TENM4: variants seen among roughly 807,000 people sequenced by gnomAD.
The protein encoded by TENM4 is teneurin-4.
A neutral mutation model predicts 243.3 loss-of-function variants in TENM4; 82 were observed. The ratio of observed to expected loss-of-function variants is 0.34; its 90% CI spans 0.28 to 0.40. The LOEUF (loss-of-function observed/expected upper bound fraction) is 0.40. Ranked by LOEUF, TENM4 falls within the 10% of genes least tolerant of loss-of-function variation. The pLI is 1.00. For missense variants in TENM4, 3,138 were observed against 3,673.3 expected, an observed-to-expected ratio of 0.85 and a Z score of 3.77; for synonymous variants, 1,412 against 1,456.3, an observed-to-expected ratio of 0.97 and a Z score of 0.69.
In TENM4 at chr11:79,138,707, C is replaced by T. The variant is rs1476797477; in HGVS notation, c.-66+10003G>A. On this transcript the variant is annotated intron_variant, in intron 4 of 33. Transcript: ENST00000278550. ...AACATACATTATATTTATATAAATA[C>T]ATAAAACATACATTATATTTATATA... 8.5e-4 allele frequency among the ~76,000 whole-genome samples: 88 copies of T among 103,622 alleles called. 1 individual carries two copies. Among genetic ancestry groups the T allele is most frequent in the African/African-American group, 1.3e-3 (32 of 24,968 alleles). The allele number at this position is 103,622 out of a possible 152,430, so 68.0% of individuals were successfully genotyped here. A position where few individuals can be genotyped will look rare whatever the true frequency, so the allele number is the denominator to read the frequency against.
intron 1 of TENM4, among the ~76,000 whole-genome samples, chr11:79,314,907 C>A (rs1269288566): frequency 6.6e-6 from 1 of 152,222 alleles, no homozygotes; most frequent in Non-Finnish European, 1.5e-5. Flanking sequence ...CAGTATTTGG[C>A]AGAAACTTCT....
intron 1 of TENM4, among the ~76,000 whole-genome samples, chr11:79,417,583 C>T (rs1858845327): frequency 6.6e-6 from 1 of 152,156 alleles, no homozygotes; most frequent in Non-Finnish European, 1.5e-5. Flanking sequence ...GGTGTTTATG[C>T]CCCATGTCCA....
intron 6 of TENM4, among the ~76,000 whole-genome samples, chr11:79,050,982 T>C (rs535826363): frequency 7.9e-5 from 12 of 152,312 alleles, no homozygotes; most frequent in Admixed American, 2.0e-4. Flanking sequence ...CAGCTGTGCA[T>C]GCGTGTGGAG....
intron 4 of TENM4, among the ~76,000 whole-genome samples, chr11:79,085,936 C>T (rs1860800957): frequency 6.6e-6 from 1 of 152,100 alleles, no homozygotes; most frequent in Non-Finnish European, 1.5e-5. Flanking sequence ...AATTCTTAAA[C>T]ATCTACTATG....
intron 19 of TENM4, among the ~76,000 whole-genome samples, chr11:78,754,713 C>A (rs971126164): frequency 6.6e-6 from 1 of 152,194 alleles, no homozygotes; most frequent in East Asian, 1.9e-4. Flanking sequence ...ACAGAAGCAG[C>A]ATTTCTGGCC....
chr11:79,437,505 G>T (rs1859298541), intron 1 of TENM4, among the ~76,000 whole-genome samples: 1 of 152,148 alleles, frequency 6.6e-6, no homozygotes, highest in African/African-American at 2.4e-5. Flanking sequence ...CCAGTTTCCC[G>T]CCCAGGCCCC....
At chr11:79,164,055 T>TA (rs1565230730) in intron 3 of TENM4, among the ~76,000 whole-genome samples, 5 of 18,960 alleles carry the variant, frequency 2.6e-4, no homozygotes, top group Non-Finnish European at 5.2e-4. Flanking sequence ...ATAAATACTA[T>TA]GTATATATAG....
chr11:79,415,297 T>C (rs991626787), intron 1 of TENM4, among the ~76,000 whole-genome samples: 4 of 152,240 alleles, frequency 2.6e-5, no homozygotes, highest in African/African-American at 9.6e-5. Flanking sequence ...CTCATGTCTA[T>C]GCCCCCAAGG....
At chr11:79,372,330 G>C (rs562786471) in intron 1 of TENM4, among the ~76,000 whole-genome samples, 1 of 152,344 alleles carries the variant, frequency 6.6e-6, no homozygotes, top group East Asian at 1.9e-4. Context: ...TGTAATAAGA[G>C]AATCTGCAAG....
At chr11:79,064,011 A>G (rs1162040454) in intron 6 of TENM4, among the ~76,000 whole-genome samples, 1 of 152,102 alleles carries the variant, frequency 6.6e-6, no homozygotes, top group Non-Finnish European at 1.5e-5. Flanking sequence ...AGGGCACAAT[A>G]TGATGTTTTG....
intron 1 of TENM4, among the ~76,000 whole-genome samples, chr11:79,387,391 A>G (rs1858139526): frequency 6.6e-6 from 1 of 152,196 alleles, no homozygotes; most frequent in Non-Finnish European, 1.5e-5. Context: ...TTTATGCTAT[A>G]TTATGTCCAT....
intron 26 of TENM4, among the ~76,000 whole-genome samples, chr11:78,710,753 A>G (rs1859378302): frequency 6.6e-6 from 1 of 152,084 alleles, no homozygotes; most frequent in Admixed American, 6.6e-5. Context: ...CCTGCTGCAA[A>G]GTGCCTGCAT....
At chr11:78,761,043 T>C (rs1444835398) in intron 18 of TENM4, among the ~76,000 whole-genome samples, 1 of 152,188 alleles carries the variant, frequency 6.6e-6, no homozygotes, top group Non-Finnish European at 1.5e-5. Flanking sequence ...CATTTAAAAG[T>C]GTATTCATTT....
Position 79,286,427 on chromosome 11 carries a change from G to T in TENM4, c.-265+11061C>A, listed in dbSNP as rs562945750. 6.4e-4 allele frequency among the ~76,000 whole-genome samples: 97 copies of T among 151,632 alleles called. 2 individuals are homozygous for T. The highest frequency in any genetic ancestry group is 2.3e-3 in the African/African-American group (94 of 41,350). ...AGCACTTTGGGAGGTGGAGGTGGGG[G>T]GGATCACCTGAGGTCAGAAGTTTGA... On this transcript the variant is annotated intron_variant, in intron 2 of 33. Transcript: ENST00000278550.
At chr11:78,933,715 G>A (rs1257967992) in intron 6 of TENM4, among the ~76,000 whole-genome samples, 1 of 152,188 alleles carries the variant, frequency 6.6e-6, no homozygotes, top group Non-Finnish European at 1.5e-5. Context: ...CTGGAAGGCA[G>A]CCAGCCACGT....
In TENM4 at chr11:79,280,897, C is replaced by T. The variant is rs573827459; in HGVS notation, c.-265+16591G>A. Among the ~76,000 whole-genome samples the T allele has an allele frequency of 2.0e-4, 31 of 152,292 alleles. No individual in the cohort carries two copies. The South Asian group carries it at 5.8e-3, about 28-fold the overall frequency. ...CTAATTAATACCTGGTTGGCCCACT[C>T]GGCAAAATAAACACATAAAATGAGG... is the stretch of plus-strand genomic sequence containing the variant. On this transcript the variant is annotated intron_variant, in intron 2 of 33. Transcript: ENST00000278550.
At chr11:78,885,435 G>GC (rs1855529276) in intron 9 of TENM4, among the ~76,000 whole-genome samples, 3 of 152,190 alleles carry the variant, frequency 2.0e-5, no homozygotes, top group Admixed American at 6.5e-5. Context: ...CCCAGCTCAG[G>GC]CCAGAGCAGC....
intron 2 of TENM4, among the ~76,000 whole-genome samples, chr11:79,232,763 G>A (rs945148861): frequency 6.6e-6 from 1 of 152,170 alleles, no homozygotes; most frequent in Admixed American, 6.5e-5. Flanking sequence ...TTGCTGTTTG[G>A]ATAGATCCTC....
At position 79,236,794 on chromosome 11, in the gene TENM4, G is replaced by A. The variant is rs956221951; in HGVS notation, c.-264-20885C>T. Among the ~76,000 whole-genome samples the A allele has an allele frequency of 2.9e-4, 44 of 152,212 alleles. 1 individual carries two copies. Among genetic ancestry groups the A allele is most frequent in the Non-Finnish European group, 5.9e-5 (4 of 68,046 alleles). ...TTCTATGGAGCAAATGCACCCACAGGATTGTAGAGGGCGGATGTTGTTACA... is the reference window on the plus strand; with the variant it reads ...TTCTATGGAGCAAATGCACCCACAGAATTGTAGAGGGCGGATGTTGTTACA... On this transcript the variant is annotated intron_variant, in intron 2 of 33. Coordinates refer to ENST00000278550, the MANE Select transcript of TENM4 (RefSeq NM_001098816.3).
Sources: gnomAD v4.1 joint callset for allele counts (sites outside exome capture counted in the v4.1 genomes callset) on GRCh38, gnomAD v4.1.1 for gene constraint, MANE v1.5 for transcripts, NCBI Gene and HGNC (gene_info 2026-07-23, HGNC 2026-07-21) for gene names.